Variants in ZNF280D observed in about 807,000 individuals in gnomAD.
The protein encoded by ZNF280D is suppressor of hairy wing homolog 4.
Under a neutral mutation model 94.7 loss-of-function variants are expected in ZNF280D, and 39 were observed. The ratio of observed to expected loss-of-function variants is 0.41; its 90% confidence interval spans 0.32 to 0.54. ZNF280D has a LOEUF of 0.54. Among genes scored for constraint, ZNF280D ranks in the 20% least tolerant of loss-of-function variants. The pLI is 0.22. For synonymous variants in ZNF280D, 398 were observed against 377.6 expected, an observed-to-expected ratio of 1.05 and a Z score of -0.63; for missense variants, 1,090 against 1,149.3, an observed-to-expected ratio of 0.95 and a Z score of 0.75.
intron 20 of ZNF280D, among the ~76,000 whole-genome samples, chr15:56,637,884 T>C (rs1397635849): frequency 1.3e-5 from 2 of 152,006 alleles, no homozygotes; most frequent in Non-Finnish European, 2.9e-5. Context: ...TGAGCTCATA[T>C]CTTTTTAATA....
intron 3 of ZNF280D, 103 bp downstream of exon 3, chr15:56,706,979 T>A: frequency 9.2e-7 from 1 of 1,084,494 alleles, no homozygotes; most frequent in Non-Finnish European, 1.4e-6. Context: ...ATTTTAAGCA[T>A]TTTTGTTTTT....
intron 20 of ZNF280D, among the ~76,000 whole-genome samples, chr15:56,639,041 C>A: frequency 6.6e-6 from 1 of 150,858 alleles, no homozygotes; most frequent in South Asian, 2.1e-4. Flanking sequence ...TTGCTGGGAA[C>A]AAAAGAAAAA....
intron 1 of ZNF280D, among the ~76,000 whole-genome samples, chr15:56,708,378 C>T (rs1384971504): frequency 6.6e-6 from 1 of 152,160 alleles, no homozygotes; most frequent in Non-Finnish European, 1.5e-5. Flanking sequence ...ATAGCTGTAG[C>T]TTGTCCCACT....
intron 1 of ZNF280D, among the ~76,000 whole-genome samples, chr15:56,722,439 A>G (rs2141417953): frequency 6.6e-6 from 1 of 152,340 alleles, no homozygotes; most frequent in South Asian, 2.1e-4. Flanking sequence ...TATTTCCAAA[A>G]CTGACCATAT....
intron 1 of ZNF280D, among the ~76,000 whole-genome samples, chr15:56,731,980 G>C (rs1213469783): frequency 6.6e-6 from 1 of 152,070 alleles, no homozygotes; most frequent in African/African-American, 2.4e-5. Context: ...GACCAGCCTG[G>C]GCAACATAAC....
chr15:56,732,869 C>G (rs1429095671), intron 1 of ZNF280D: 1 of 152,252 alleles, frequency 6.6e-6, no homozygotes, highest in Non-Finnish European at 1.5e-5. Flanking sequence ...CCTCAGGGCC[C>G]TTCTTCTGTA....
chr15:56,718,150 AT>A (rs1218515885), intron 1 of ZNF280D, among the ~76,000 whole-genome samples: 1 of 152,176 alleles, frequency 6.6e-6, no homozygotes, highest in African/African-American at 2.4e-5. Flanking sequence ...ATGTTGAATT[AT>A]GAAACTTCAT....
intron 13 of ZNF280D, among the ~76,000 whole-genome samples, chr15:56,675,887 T>A (rs1416217651): frequency 6.6e-6 from 1 of 152,086 alleles, no homozygotes; most frequent in Non-Finnish European, 1.5e-5. Context: ...CATTGGTTTC[T>A]AATTTTGGCA....
At chr15:56,670,466 T>C (rs1469280899) in intron 13 of ZNF280D, among the ~76,000 whole-genome samples, 4 of 151,980 alleles carry the variant, frequency 2.6e-5, no homozygotes, top group Non-Finnish European at 4.4e-5. Flanking sequence ...CCTGCATTAG[T>C]TTGCTAAGGA....
At chr15:56,709,038 C>T (rs373859722) in intron 1 of ZNF280D, among the ~76,000 whole-genome samples, 5 of 152,180 alleles carry the variant, frequency 3.3e-5, no homozygotes, top group South Asian at 2.1e-4. Context: ...AGCTTCTGCA[C>T]AGCAAAAGAA....
chr15:56,723,713 C>T (rs757762148), intron 1 of ZNF280D, among the ~76,000 whole-genome samples: 10 of 152,138 alleles, frequency 6.6e-5, no homozygotes, highest in Non-Finnish European at 1.5e-4. Flanking sequence ...ATCCTTGCCT[C>T]TCCATCCACT....
chr15:56,650,610 C>A lies in ZNF280D; in HGVS notation c.2213+3588G>T, dbSNP rs140894022. Among the ~76,000 whole-genome samples the A allele has an allele frequency of 1.7e-3, 254 of 152,200 alleles. 1 individual carries two copies. Among genetic ancestry groups the A allele is most frequent in the African/African-American group, 5.8e-3 (240 of 41,544 alleles). On this transcript the variant is annotated intron_variant, in intron 19 of 21. Transcript: ENST00000267807. The stretch of plus-strand genomic sequence containing the variant: ...TTTGATTCAACAATAAAATAGGCAA[C>A]CAGTTAAGTAGCCTAGTTTAGCAAA...
chr15:56,651,108 T>G (rs2053178329), intron 19 of ZNF280D, among the ~76,000 whole-genome samples: 1 of 152,226 alleles, frequency 6.6e-6, no homozygotes. Context: ...ACTAGGACAA[T>G]GCCAGGCACA....
At chr15:56,659,047 A>C (rs557140603) in intron 16 of ZNF280D, among the ~76,000 whole-genome samples, 1 of 151,918 alleles carries the variant, frequency 6.6e-6, no homozygotes, top group South Asian at 2.1e-4. Context: ...TAAGAGATGG[A>C]TCTCACTATG....
intron 16 of ZNF280D, among the ~76,000 whole-genome samples, chr15:56,661,894 G>A (rs578113594): frequency 6.6e-6 from 1 of 152,228 alleles, no homozygotes; most frequent in East Asian, 1.9e-4. Flanking sequence ...TTCTTTTCAA[G>A]AAATGCAATC....
At position 56,723,923 on chromosome 15, in the gene ZNF280D, C is replaced by T. The variant is rs150507307; in HGVS notation, c.-86+9535G>A. On this transcript the variant is annotated intron_variant, in intron 1 of 21. Transcript: ENST00000267807. Reference sequence around the variant, plus strand: ...ACAGCTTAGTCTAACTTACCTTAAACGTGCTCAGAACCCTTTACATTAGCC... The same window carrying T: ...ACAGCTTAGTCTAACTTACCTTAAATGTGCTCAGAACCCTTTACATTAGCC... Among the ~76,000 whole-genome samples the T allele has an allele frequency of 3.3e-5, 5 of 152,292 alleles. No homozygotes were observed. The South Asian group carries it at 1.0e-3, about 32-fold the overall frequency.
At chr15:56,689,741 T>C (rs1188934096) in intron 7 of ZNF280D, among the ~76,000 whole-genome samples, 1 of 151,428 alleles carries the variant, frequency 6.6e-6, no homozygotes, top group Non-Finnish European at 1.5e-5. Context: ...AATATATAAA[T>C]AGCTATCACA....
At chr15:56,706,720 T>G (rs917678365) in intron 3 of ZNF280D, among the ~76,000 whole-genome samples, 5 of 152,174 alleles carry the variant, frequency 3.3e-5, no homozygotes, top group Non-Finnish European at 7.3e-5. Context: ...CTTGTTCTTT[T>G]TAACAGGGCA....
intron 9 of ZNF280D, among the ~76,000 whole-genome samples, chr15:56,684,369 T>G (rs2055847844): frequency 6.6e-6 from 1 of 152,128 alleles, no homozygotes; most frequent in Non-Finnish European, 1.5e-5. Flanking sequence ...ACATCAGAAT[T>G]ATGCTGCCGT....
Sources: gnomAD v4.1 joint callset for allele counts (sites outside exome capture counted in the v4.1 genomes callset) on GRCh38, gnomAD v4.1.1 for gene constraint, MANE v1.5 for transcripts, NCBI Gene and HGNC (gene_info 2026-07-23, HGNC 2026-07-21) for gene names.